TET3: variants seen among roughly 807,000 people sequenced by gnomAD.
TET3 encodes tet methylcytosine dioxygenase 3, also known as methylcytosine dioxygenase TET3.
A neutral mutation model predicts 141.4 loss-of-function variants in TET3; 19 were observed. The observed-to-expected ratio is 0.13, with a 90% confidence interval of 0.09 to 0.20. The LOEUF (loss-of-function observed/expected upper bound fraction) is 0.20. TET3 is among the 10% of genes least tolerant of loss of function. The pLI is 1.00. For synonymous variants in TET3, 1,043 were observed against 980.9 expected, an observed-to-expected ratio of 1.06 and a Z score of -1.18; for missense variants, 1,874 against 2,356.9, an observed-to-expected ratio of 0.80 and a Z score of 4.24.
Position 74,047,391 on chromosome 2 carries a change from G to A in TET3, c.1474G>A (p.Val492Met). Residue 492 changes from valine to methionine, a missense_variant, in exon 4 of 12, where the codon GTG becomes ATG. Around this residue, in one of 10 missense-constraint regions of TET3, gnomAD observed 484 missense variants for 462.2 expected, o/e 1.05. Transcript: ENST00000409262. ...EALPTKPKVK[V>M]EAPSSSPAPA... ...CCTGCCTACCAAGCCCAAGGTCAAG[G>A]TGGAGGCACCCTCTTCCTCCCCGGC... The A allele has an allele frequency of 6.2e-7, 1 of 1,613,686 alleles. No homozygotes were observed. Among genetic ancestry groups the A allele is most frequent in the Non-Finnish European group, 8.5e-7 (1 of 1,179,852 alleles).
chr2:74,074,113 G>A (rs1358509535), intron 5 of TET3, among the ~76,000 whole-genome samples: 3 of 152,122 alleles, frequency 2.0e-5, no homozygotes, highest in Admixed American at 1.3e-4. Context: ...CTCACTCCTG[G>A]CCAGTGGAAA....
At chr2:74,080,652 C>T (rs1558775772) in intron 6 of TET3, 61 bp downstream of exon 6, 9 of 1,418,054 alleles carry the variant, frequency 6.3e-6, no homozygotes, top group Middle Eastern at 1.9e-4. Context: ...TGCATGGCCA[C>T]GGCTGTGCCT....
chr2:74,040,038 G>A (rs1310829924), intron 3 of TET3, among the ~76,000 whole-genome samples: 1 of 152,198 alleles, frequency 6.6e-6, no homozygotes, highest in Non-Finnish European at 1.5e-5. Flanking sequence ...CATGTGGAAT[G>A]GAGGGAATGT....
rs1691366178 is a variant in TET3, at chr2:74,103,912, C to T, written c.*1736C>T. 6.5e-6 allele frequency: 1 copy of T among 153,670 alleles called. No individual in the cohort carries two copies. Among genetic ancestry groups the T allele is most frequent in the Non-Finnish European group, 1.5e-5 (1 of 68,046 alleles). 9.5% of individuals were successfully genotyped at this position (153,670 alleles called of 1,614,324 possible). A position where few individuals can be genotyped will look rare whatever the true frequency, so the allele number is the denominator to read the frequency against. Reference sequence around the variant, plus strand: ...GCAGTTGTATTCAGATATGGGTCTTCATGAATCATGTTTAACAATCAGATG... The same window carrying T: ...GCAGTTGTATTCAGATATGGGTCTTTATGAATCATGTTTAACAATCAGATG... On this transcript the variant is annotated 3_prime_UTR_variant, in exon 12 of 12. Coordinates refer to ENST00000409262, the MANE Select transcript of TET3 (RefSeq NM_001287491.2).
At chr2:74,109,193 G>C (rs1425298637), downstream of TET3, among the ~76,000 whole-genome samples, 1 of 152,202 alleles carries the variant, frequency 6.6e-6, no homozygotes, top group Non-Finnish European at 1.5e-5. Context: ...TCCTCCTTCA[G>C]CTGGGGCTGG....
rs1445322274 is a variant in TET3 at position 74,101,745 on chromosome 2, G to A, written c.4957G>A (p.Gly1653Ser). ...CAACTTCCTGGACGAGAACATCGGC[G>A]GCGTGGCCGTGGCCCCAGCCCACGG... ...EHNFLDENIG[G>S]VAVAPAHGSI... Residue 1653 changes from glycine to serine, a missense_variant, in exon 12 of 12, where the codon GGC becomes AGC. Physicochemically the swap from Gly to Ser is moderately conservative, Grantham distance 56. This residue lies in a region of TET3 where 41 missense variants were observed against 116.8 expected (regional missense o/e 0.35). Transcript: ENST00000409262. The surrounding 1 kb of genome is among the most constrained non-coding windows in gnomAD (Gnocchi z 8.5). The A allele has an allele frequency of 6.2e-7, 1 of 1,613,240 alleles. No homozygotes were observed. The highest frequency in any genetic ancestry group is 8.5e-7 in the Non-Finnish European group (1 of 1,179,884).
intron 4 of TET3, among the ~76,000 whole-genome samples, chr2:74,054,630 G>T (rs1688118534): frequency 7.5e-6 from 1 of 134,214 alleles, no homozygotes; most frequent in Admixed American, 7.3e-5. Context: ...GCCCCAGAAT[G>T]GAAGTTACCA....
Position 74,102,435 on chromosome 2 carries a change from T to G in TET3, c.*259T>G. On this transcript the variant is annotated 3_prime_UTR_variant, in exon 12 of 12. Transcript: ENST00000409262. ...GATTTTTCCGTGATCTTAATATTTA[T>G]ATCTCCAAGTTGTCCCCCCCCCTTG... 6.0e-6 allele frequency: 2 copies of G among 333,574 alleles called. No homozygotes were observed. The highest frequency in any genetic ancestry group is 5.1e-6 in the Non-Finnish European group (1 of 195,708). 20.7% of individuals were successfully genotyped at this position (333,574 alleles called of 1,614,324 possible).
intron 2 of TET3, among the ~76,000 whole-genome samples, chr2:73,991,260 A>T (rs1253211851): frequency 6.6e-6 from 1 of 151,756 alleles, no homozygotes; most frequent in African/African-American, 2.4e-5. Flanking sequence ...CTAAATGAAA[A>T]TTAGCTGGAG....
chr2:73,999,253 G>A (rs1196916583), intron 2 of TET3, among the ~76,000 whole-genome samples: 1 of 152,172 alleles, frequency 6.6e-6, no homozygotes, highest in Non-Finnish European at 1.5e-5. Flanking sequence ...TGAGGGGGTG[G>A]CAAGAACCCT....
At chr2:74,117,889 G>A in the TET3 span, among the ~76,000 whole-genome samples, 160 of 152,118 alleles carry the variant, frequency 1.1e-3, no homozygotes, top group Non-Finnish European at 1.7e-3. Flanking sequence ...GGGATTACAG[G>A]CACCCACCAC....
chr2:74,088,258 C>T (rs73948996), intron 7 of TET3, among the ~76,000 whole-genome samples: 4 of 152,154 alleles, frequency 2.6e-5, no homozygotes, highest in East Asian at 1.9e-4. Context: ...TTGACTTCAC[C>T]GTTAAACCCC....
intron 3 of TET3, among the ~76,000 whole-genome samples, chr2:74,004,869 T>C (rs1685070069): frequency 6.6e-6 from 1 of 152,140 alleles, no homozygotes; most frequent in Admixed American, 6.5e-5. Context: ...CATGTGCTGT[T>C]GGAGGGGTGT....
chr2:74,022,925 G>A (rs1432419959), intron 3 of TET3, among the ~76,000 whole-genome samples: 3 of 152,022 alleles, frequency 2.0e-5, no homozygotes, highest in East Asian at 3.9e-4. Context: ...ACAGGCACTC[G>A]CCATCACGCC....
At chr2:74,098,596 CT>C (rs11343259) in intron 10 of TET3, among the ~76,000 whole-genome samples, 44,362 of 138,940 alleles carry the variant, frequency 0.32, 7,689 homozygotes, top group African/African-American at 0.54. Flanking sequence ...AAAGGAAACT[CT>C]TTTTTTTTTT....
intron 8 of TET3, among the ~76,000 whole-genome samples, chr2:74,091,937 C>T (rs117816216): frequency 6.6e-6 from 1 of 152,216 alleles, no homozygotes; most frequent in Non-Finnish European, 1.5e-5. Flanking sequence ...GCTGTCCATA[C>T]AGGAGCCACG....
chr2:74,126,595 G>A, the TET3 span, among the ~76,000 whole-genome samples: 4 of 146,144 alleles, frequency 2.7e-5, no homozygotes, highest in Middle Eastern at 3.6e-3. Context: ...TCCGCCTCCC[G>A]GGTTCACACC....
chr2:74,044,335 G>C (rs1687500627), intron 3 of TET3, among the ~76,000 whole-genome samples: 1 of 152,208 alleles, frequency 6.6e-6, no homozygotes. Context: ...TACCCCAAAT[G>C]TGTAGGTTTT....
chr2:74,040,610 A>G (rs1687290398), intron 3 of TET3, among the ~76,000 whole-genome samples: 1 of 152,152 alleles, frequency 6.6e-6, no homozygotes, highest in South Asian at 2.1e-4. Flanking sequence ...TGAGAAGTCC[A>G]GACAGAAAGC....
Sources: allele counts gnomAD v4.1 joint callset (sites outside exome capture counted in the v4.1 genomes callset), GRCh38; gene constraint gnomAD v4.1.1; regional missense constraint gnomAD v4.1.1; non-coding constraint Gnocchi (gnomAD v3.1); transcripts MANE v1.5; gene names NCBI Gene and HGNC (gene_info 2026-07-23, HGNC 2026-07-21).